Variants in FRMD4B observed in about 807,000 individuals in gnomAD.
FRMD4B encodes FERM domain-containing protein 4B.
A neutral mutation model predicts 141.5 loss-of-function variants in FRMD4B; 74 were observed. The observed-to-expected ratio is 0.52, with a 90% CI of 0.43 to 0.63. FRMD4B has a LOEUF of 0.63. FRMD4B is among the 30% of genes least tolerant of loss of function. The pLI is 0.00. For missense variants in FRMD4B, 1,366 were observed against 1,253.4 expected (o/e 1.09, Z -1.36); for synonymous variants, 506 against 467.9 (o/e 1.08, Z -1.05).
intron 21 of FRMD4B, among the ~76,000 whole-genome samples, chr3:69,178,746 G>C (rs1197361395): frequency 6.7e-6 from 1 of 150,328 alleles, no homozygotes; most frequent in Non-Finnish European, 1.5e-5. Flanking sequence ...CCACTTAGTA[G>C]CTTTGGAACT....
At chr3:69,213,799 A>G (rs2093111858) in intron 11 of FRMD4B, among the ~76,000 whole-genome samples, 1 of 151,748 alleles carries the variant, frequency 6.6e-6, no homozygotes, top group Admixed American at 6.6e-5. Flanking sequence ...TATAACTGGG[A>G]CTACAGGCAT....
At position 69,268,607 on chromosome 3, in the gene FRMD4B, G is replaced by T. The variant is rs149658479; in HGVS notation, c.502-18508C>A. ...CTATTTTTTCTCTATTTAGAAAAAA[G>T]AAAAAATGCAAGGTGCTTAAAAGAT... On this transcript the variant is annotated intron_variant, in intron 5 of 22. Transcript: ENST00000398540. Among the ~76,000 whole-genome samples, 308 of 151,908 alleles carry T rather than the reference G, an allele frequency of 2.0e-3. 9 individuals are homozygous for T. The East Asian group carries it at 0.054, about 27-fold the overall frequency.
At chr3:69,224,285 G>T (rs1005340413) in intron 8 of FRMD4B, among the ~76,000 whole-genome samples, 7 of 152,100 alleles carry the variant, frequency 4.6e-5, no homozygotes, top group African/African-American at 1.7e-4. Context: ...GATTAAAGCT[G>T]CATTACACAG....
At chr3:69,345,777 T>A (rs1702916915) in intron 1 of FRMD4B, among the ~76,000 whole-genome samples, 1 of 152,228 alleles carries the variant, frequency 6.6e-6, no homozygotes, top group African/African-American at 2.4e-5. Flanking sequence ...GGGTCCTGAC[T>A]GTTAGAAGGA....
intron 7 of FRMD4B, among the ~76,000 whole-genome samples, chr3:69,237,420 T>A (rs938536450): frequency 6.6e-6 from 1 of 152,240 alleles, no homozygotes; most frequent in Non-Finnish European, 1.5e-5. Context: ...CTGAAAGAAT[T>A]ATATAAGCCT....
At chr3:69,442,671 T>C (rs139968611) in intron 1 of FRMD4B, among the ~76,000 whole-genome samples, 32 of 152,298 alleles carry the variant, frequency 2.1e-4, no homozygotes, top group Non-Finnish European at 3.8e-4. Context: ...GATGGAGCCA[T>C]ACGTGCACCC....
chr3:69,448,093 G>A (rs1345608027), intron 1 of FRMD4B, among the ~76,000 whole-genome samples: 2 of 150,734 alleles, frequency 1.3e-5, no homozygotes, highest in African/African-American at 2.4e-5. Context: ...GCAGTGTTGC[G>A]ATCTCGGATC....
intron 19 of FRMD4B, among the ~76,000 whole-genome samples, chr3:69,185,592 T>C (rs923391097): frequency 5.3e-5 from 8 of 152,184 alleles, no homozygotes; most frequent in African/African-American, 1.9e-4. Context: ...TGTTTACTAG[T>C]TGATGAACCC....
intron 1 of FRMD4B, among the ~76,000 whole-genome samples, chr3:69,378,990 G>A (rs1472089297): frequency 2.0e-5 from 3 of 152,016 alleles, no homozygotes; most frequent in South Asian, 2.1e-4. Flanking sequence ...TCCCTCCACT[G>A]ATCATCTAAA....
intron 1 of FRMD4B, among the ~76,000 whole-genome samples, chr3:69,339,642 A>G (rs1702669379): frequency 2.0e-5 from 3 of 152,174 alleles, no homozygotes; most frequent in Admixed American, 2.0e-4. Context: ...AAAAATGAAA[A>G]CAAAAAAGGC....
At chr3:69,436,505 G>C (rs1705262508) in intron 1 of FRMD4B, among the ~76,000 whole-genome samples, 1 of 152,160 alleles carries the variant, frequency 6.6e-6, no homozygotes, top group South Asian at 2.1e-4. Flanking sequence ...ATTGTAAAAT[G>C]GTGCAGCCAC....
intron 1 of FRMD4B, among the ~76,000 whole-genome samples, chr3:69,444,022 C>G (rs1203953287): frequency 6.6e-6 from 1 of 151,668 alleles, no homozygotes; most frequent in Admixed American, 6.6e-5. Context: ...TTCACCCATA[C>G]CAGGGACTCA....
chr3:69,438,847 A>C (rs1486482228), intron 1 of FRMD4B, among the ~76,000 whole-genome samples: 1 of 152,170 alleles, frequency 6.6e-6, no homozygotes, highest in Non-Finnish European at 1.5e-5. Context: ...ATACAGAAGA[A>C]AATGCAACAA....
intron 1 of FRMD4B, among the ~76,000 whole-genome samples, chr3:69,465,327 A>T (rs1431083039): frequency 6.6e-6 from 1 of 152,112 alleles, no homozygotes; most frequent in Non-Finnish European, 1.5e-5. Flanking sequence ...CTCAAAAAAA[A>T]AAAAAAAAAC....
At chr3:69,315,015 G>A (rs1701757115) in intron 1 of FRMD4B, among the ~76,000 whole-genome samples, 1 of 152,034 alleles carries the variant, frequency 6.6e-6, no homozygotes, top group African/African-American at 2.4e-5. Flanking sequence ...ACCCAAGCCT[G>A]TGGGCAACAT....
chr3:69,182,341 C>T (rs1395581734), intron 20 of FRMD4B, among the ~76,000 whole-genome samples: 1 of 152,182 alleles, frequency 6.6e-6, no homozygotes, highest in African/African-American at 2.4e-5. Flanking sequence ...CTAACTTCAT[C>T]CTCACCATTG....
intron 11 of FRMD4B, among the ~76,000 whole-genome samples, chr3:69,207,695 C>G (rs1029067109): frequency 6.6e-6 from 1 of 152,050 alleles, no homozygotes; most frequent in Non-Finnish European, 1.5e-5. Flanking sequence ...ATACTCCCAG[C>G]TACTCGGGAG....
chr3:69,527,244 G>C (rs1314524911), intron 1 of FRMD4B, among the ~76,000 whole-genome samples: 1 of 152,098 alleles, frequency 6.6e-6, no homozygotes, highest in African/African-American at 2.4e-5. Flanking sequence ...GGGAACTCAG[G>C]GACAAATAAA....
chr3:69,330,340 C>CTTTT lies in FRMD4B; in HGVS notation c.163-16827_163-16824dup, dbSNP rs34238889. Among the ~76,000 whole-genome samples, 58 of 42,922 alleles carry CTTTT rather than the reference C, an allele frequency of 1.4e-3. 1 individual carries two copies. The highest frequency in any genetic ancestry group is 4.4e-3 in the African/African-American group (37 of 8,322). The allele number at this position is 42,922 out of a possible 152,430, so 28.2% of individuals were successfully genotyped here. On this transcript the variant is annotated intron_variant, in intron 1 of 22. Coordinates refer to ENST00000398540, the MANE Select transcript of FRMD4B (RefSeq NM_015123.3). ...CAACATTATATTTTGATTCTTTTGC[C>CTTTT]TTTTTTTTTTTTTTTTTTTTTTTTG...
Sources: gnomAD v4.1 joint callset for allele counts (sites outside exome capture counted in the v4.1 genomes callset) on GRCh38, gnomAD v4.1.1 for gene constraint, MANE v1.5 for transcripts, NCBI Gene and HGNC (gene_info 2026-07-23, HGNC 2026-07-21) for gene names.